CSMD3: variants seen among roughly 807,000 people sequenced by gnomAD.
The protein encoded by CSMD3 is CUB and sushi domain-containing protein 3.
CSMD3 carries 177 observed loss-of-function variants against 435.2 expected under a neutral mutation model. That is an observed-to-expected ratio of 0.41 (90% CI 0.36 to 0.46). CSMD3 has a LOEUF of 0.46. Ranked by LOEUF, CSMD3 falls within the 20% of genes least tolerant of loss-of-function variation. The pLI is 0.34. For synonymous variants in CSMD3, 1,656 were observed against 1,520.5 expected (o/e 1.09, Z -2.07); for missense variants, 4,265 against 4,504.6 (o/e 0.95, Z 1.52).
rs1032451609 is a variant in CSMD3, at chr8:112,792,774, T to A, written c.1972+7388A>T. Among the ~76,000 whole-genome samples the A allele has an allele frequency of 5.3e-5, 8 of 152,298 alleles. No homozygotes were observed. In the East Asian group the frequency reaches 1.5e-3, roughly 29 times the overall value. ...TTGAATGTGGCTATACATCTGTTTC[T>A]GCACCATTTAAAAAATATGTATCTT... On this transcript the variant is annotated intron_variant, in intron 13 of 70. Transcript: ENST00000297405.
At chr8:113,070,699 C>T (rs1036059639) in intron 5 of CSMD3, among the ~76,000 whole-genome samples, 1 of 151,990 alleles carries the variant, frequency 6.6e-6, no homozygotes, top group Non-Finnish European at 1.5e-5. Context: ...TGAGACCATG[C>T]TGTATTTGTC....
intron 3 of CSMD3, among the ~76,000 whole-genome samples, chr8:113,272,534 T>C (rs1006113326): frequency 6.6e-6 from 1 of 151,396 alleles, no homozygotes; most frequent in African/African-American, 2.4e-5. Context: ...TTTCTGCTTT[T>C]GCAATTTCAT....
At chr8:113,318,904 A>G (rs2093930011) in intron 1 of CSMD3, among the ~76,000 whole-genome samples, 1 of 149,314 alleles carries the variant, frequency 6.7e-6, no homozygotes, top group Non-Finnish European at 1.5e-5. Context: ...TTTGTGTGTG[A>G]GTATGTATAT....
intron 3 of CSMD3, among the ~76,000 whole-genome samples, chr8:113,201,864 C>T (rs1444550979): frequency 6.6e-6 from 1 of 151,932 alleles, no homozygotes; most frequent in Non-Finnish European, 1.5e-5. Flanking sequence ...TGCAATTTTT[C>T]ATTTATTTTT....
intron 2 of CSMD3, among the ~76,000 whole-genome samples, chr8:113,306,033 C>T (rs960028113): frequency 2.6e-5 from 4 of 152,078 alleles, no homozygotes; most frequent in African/African-American, 9.7e-5. Context: ...TGACTGAGGT[C>T]ATAGTTGAAC....
At chr8:112,489,046 A>G (rs1421165691) in intron 31 of CSMD3, among the ~76,000 whole-genome samples, 1 of 152,240 alleles carries the variant, frequency 6.6e-6, no homozygotes, top group African/African-American at 2.4e-5. Flanking sequence ...TCTTAAAAAA[A>G]TAAAAAATAA....
chr8:112,630,521 T>C (rs183804838), intron 22 of CSMD3, among the ~76,000 whole-genome samples: 1 of 152,110 alleles, frequency 6.6e-6, no homozygotes, highest in East Asian at 1.9e-4. Context: ...TTCAACACAA[T>C]GCCTGCCGTG....
At chr8:112,612,858 C>T (rs1833373040) in intron 22 of CSMD3, among the ~76,000 whole-genome samples, 1 of 151,290 alleles carries the variant, frequency 6.6e-6, no homozygotes, top group Non-Finnish European at 1.5e-5. Context: ...ACCGAAATCA[C>T]AGGGGTGTAC....
rs142705801 is a variant in CSMD3, at chr8:112,925,811, C to T, written c.1509-4060G>A. 1.3e-5 allele frequency among the ~76,000 whole-genome samples: 2 copies of T among 152,266 alleles called. 1 individual carries two copies. The highest frequency in any genetic ancestry group is 3.9e-4 in the East Asian group (2 of 5,172). On this transcript the variant is annotated intron_variant, in intron 9 of 70. Transcript: ENST00000297405. Reference sequence around the variant, plus strand: ...ATATATGACATTTTGGCCACATGGCCCATGGATGTCCTCTGATTTAGATTT... The same window carrying T: ...ATATATGACATTTTGGCCACATGGCTCATGGATGTCCTCTGATTTAGATTT...
At chr8:113,150,440 A>C (rs1028160197) in intron 4 of CSMD3, among the ~76,000 whole-genome samples, 2 of 151,954 alleles carry the variant, frequency 1.3e-5, no homozygotes, top group Non-Finnish European at 2.9e-5. Context: ...CTAGGATCTG[A>C]AAGCCTCAGT....
chr8:113,417,226 C>T (rs189988768), intron 1 of CSMD3, among the ~76,000 whole-genome samples: 16 of 152,040 alleles, frequency 1.1e-4, no homozygotes, highest in African/African-American at 3.9e-4. Context: ...AACATCCTTA[C>T]ATATGTAAAG....
intron 13 of CSMD3, among the ~76,000 whole-genome samples, chr8:112,711,547 A>G (rs967740375): frequency 2.0e-5 from 3 of 152,104 alleles, no homozygotes; most frequent in Non-Finnish European, 4.4e-5. Context: ...TTCATGAATC[A>G]TAAGGGAAAT....
chr8:113,024,699 C>G (rs2086808335), intron 5 of CSMD3, among the ~76,000 whole-genome samples: 1 of 152,090 alleles, frequency 6.6e-6, no homozygotes, highest in African/African-American at 2.4e-5. Context: ...TTCTGGATGA[C>G]TAGTGATGTT....
At chr8:112,298,803 G>T (rs1318071087) in intron 53 of CSMD3, among the ~76,000 whole-genome samples, 9 of 152,154 alleles carry the variant, frequency 5.9e-5, no homozygotes, top group East Asian at 1.9e-4. Flanking sequence ...AAGAAAGTTG[G>T]CTATACCACA....
chr8:112,940,133 T>C (rs1475943730), intron 9 of CSMD3, among the ~76,000 whole-genome samples: 6 of 151,946 alleles, frequency 3.9e-5, no homozygotes, highest in African/African-American at 1.4e-4. Flanking sequence ...TTCAAAAGTA[T>C]GGTTGATTTA....
rs565995479 is a variant in CSMD3, at chr8:112,397,613, C to T, written c.5810-6825G>A. ...GAGGGCCCCTTTCCTGGATTATATA[C>T]GACCGTCTTCTGGCTGTGTCCTCAC... On this transcript the variant is annotated intron_variant, in intron 35 of 70. Transcript: ENST00000297405. Among the ~76,000 whole-genome samples, 24 of 152,232 alleles carry T rather than the reference C, an allele frequency of 1.6e-4. No homozygotes were observed. In the South Asian group the frequency reaches 4.1e-3, roughly 26 times the overall value.
At chr8:112,477,091 G>A (rs1401378116) in intron 31 of CSMD3, among the ~76,000 whole-genome samples, 1 of 152,092 alleles carries the variant, frequency 6.6e-6, no homozygotes, top group East Asian at 1.9e-4. Context: ...TCTGTAGTCA[G>A]CATATAACAT....
chr8:112,646,384 TTG>T (rs1563807325), intron 19 of CSMD3, among the ~76,000 whole-genome samples: 4 of 151,408 alleles, frequency 2.6e-5, no homozygotes, highest in Non-Finnish European at 5.9e-5. Context: ...ATCTGTGTGT[TTG>T]TGTGTGTGTA....
At chr8:112,438,644 T>G (rs1456820890) in intron 32 of CSMD3, among the ~76,000 whole-genome samples, 1 of 152,114 alleles carries the variant, frequency 6.6e-6, no homozygotes. Flanking sequence ...TTATAAAAGA[T>G]CTACCATATA....
Sources: gnomAD v4.1 joint callset for allele counts (sites outside exome capture counted in the v4.1 genomes callset) on GRCh38, gnomAD v4.1.1 for gene constraint, MANE v1.5 for transcripts, NCBI Gene and HGNC (gene_info 2026-07-23, HGNC 2026-07-21) for gene names.